Variants in PARD3B observed in about 807,000 individuals in gnomAD.
PARD3B encodes partitioning defective 3 homolog B.
In PARD3B, 103 loss-of-function variants were observed where a neutral mutation model predicts 130.2. The ratio of observed to expected loss-of-function variants is 0.79; its 90% CI spans 0.67 to 0.93. PARD3B has a LOEUF of 0.93. PARD3B is among the 40% of genes least tolerant of loss of function. The pLI, the probability that PARD3B is intolerant of heterozygous loss-of-function variation, is 0.00. For missense variants in PARD3B, 1,609 were observed against 1,499.2 expected, an observed-to-expected ratio of 1.07 and a Z score of -1.21; for synonymous variants, 583 against 553.2, an observed-to-expected ratio of 1.05 and a Z score of -0.76.
In PARD3B at chr2:205,125,842, A is replaced by G; in HGVS notation, c.1434+105A>G. 1 of 1,439,690 alleles carries G rather than the reference A, an allele frequency of 6.9e-7. No individual in the cohort carries two copies. Among genetic ancestry groups the G allele is most frequent in the Non-Finnish European group, 9.4e-7 (1 of 1,064,212 alleles). 89.2% of individuals were successfully genotyped at this position (1,439,690 alleles called of 1,614,324 possible). A position where few individuals can be genotyped will look rare whatever the true frequency, so the allele number is the denominator to read the frequency against. On this transcript the variant is annotated intron_variant, in intron 10 of 22. Transcript: ENST00000406610. This position sits in a 1 kb window ranked among gnomAD's most constrained non-coding sequence, Gnocchi z 4.0. ...GAGTTCTAAATCACAGGCTTCATTCATAACCAAAATTGAATCACACTCAGG... is the reference window on the plus strand; with the variant it reads ...GAGTTCTAAATCACAGGCTTCATTCGTAACCAAAATTGAATCACACTCAGG...
intron 15 of PARD3B, among the ~76,000 whole-genome samples, chr2:205,239,727 T>A (rs2039266384): frequency 6.6e-6 from 1 of 152,178 alleles, no homozygotes; most frequent in Non-Finnish European, 1.5e-5. Context: ...AAGCCCTCCT[T>A]TTTTACCCTA....
At chr2:204,879,036 A>G (rs570017544) in intron 2 of PARD3B, among the ~76,000 whole-genome samples, 1 of 152,278 alleles carries the variant, frequency 6.6e-6, no homozygotes, top group East Asian at 1.9e-4. Context: ...GGAAAGATGT[A>G]TGCTATAAAT....
In PARD3B at chr2:205,217,890, A is replaced by ATTTTT. The variant is rs1278697689; in HGVS notation, c.2140+24571_2140+24572insTTTTT. On this transcript the variant is annotated intron_variant, in intron 15 of 22. Coordinates refer to ENST00000406610, the MANE Select transcript of PARD3B (RefSeq NM_001302769.2). ...TGTGTATATATATATATATATATAT[A>ATTTTT]TATATTTTTTTTTTTATTTTTTTGA... Among the ~76,000 whole-genome samples, 35 of 42,078 alleles carry ATTTTT rather than the reference A, an allele frequency of 8.3e-4. 6 individuals carry two copies. The East Asian group carries it at 0.04, about 48-fold the overall frequency. The allele number at this position is 42,078 out of a possible 152,430, so 27.6% of individuals were successfully genotyped here.
chr2:205,416,563 G>C (rs1189819614), intron 19 of PARD3B, among the ~76,000 whole-genome samples: 1 of 152,126 alleles, frequency 6.6e-6, no homozygotes, highest in African/African-American at 2.4e-5. Context: ...AATCTGCTAA[G>C]CCCTTGGCCT....
At chr2:205,296,501 G>A (rs1202557238) in intron 16 of PARD3B, among the ~76,000 whole-genome samples, 1 of 152,132 alleles carries the variant, frequency 6.6e-6, no homozygotes, top group African/African-American at 2.4e-5. Flanking sequence ...GAAGGCTGGG[G>A]CAGCGGTTTC....
rs368657116 is a variant in PARD3B, at chr2:205,314,760, C to T, written c.2630+13059C>T. Among the ~76,000 whole-genome samples the T allele has an allele frequency of 2.6e-5, 4 of 152,308 alleles. No homozygotes were observed. In the South Asian group the frequency reaches 8.3e-4, roughly 32 times the overall value. On this transcript the variant is annotated intron_variant, in intron 18 of 22. Coordinates refer to ENST00000406610, the MANE Select transcript of PARD3B (RefSeq NM_001302769.2). Reference sequence around the variant, plus strand: ...TTCTCCAGCTAACTGCTGATCATTTCTGCACAGTGGCCCTGCCACAACCTC... The same window carrying T: ...TTCTCCAGCTAACTGCTGATCATTTTTGCACAGTGGCCCTGCCACAACCTC...
At chr2:205,094,703 G>A (rs1002473330) in intron 4 of PARD3B, among the ~76,000 whole-genome samples, 1 of 152,156 alleles carries the variant, frequency 6.6e-6, no homozygotes, top group Non-Finnish European at 1.5e-5. Flanking sequence ...GTTGGCATGC[G>A]TGAAATGCCT....
chr2:205,295,901 TTTGAA>T (rs2041772599), intron 16 of PARD3B, among the ~76,000 whole-genome samples: 1 of 152,178 alleles, frequency 6.6e-6, no homozygotes, highest in Non-Finnish European at 1.5e-5. Flanking sequence ...TAAGGCATTG[TTTGAA>T]AAAACAATTT....
chr2:205,095,378 GAGAA>G (rs1400942052), intron 4 of PARD3B, among the ~76,000 whole-genome samples: 2 of 152,094 alleles, frequency 1.3e-5, no homozygotes, highest in Admixed American at 1.3e-4. Context: ...ATTTGAATAT[GAGAA>G]AGAAACAGTG....
chr2:204,894,497 T>C (rs1205943219), intron 2 of PARD3B, among the ~76,000 whole-genome samples: 2 of 152,052 alleles, frequency 1.3e-5, no homozygotes, highest in Non-Finnish European at 1.5e-5. Context: ...TGCCCCAGCT[T>C]CCTCATTATT....
chr2:204,643,806 A>G (rs1017931726), intron 1 of PARD3B, among the ~76,000 whole-genome samples: 1 of 152,160 alleles, frequency 6.6e-6, no homozygotes, highest in Non-Finnish European at 1.5e-5. Flanking sequence ...TTCTGGACAT[A>G]TTCTCCAGAA....
chr2:205,057,486 T>A (rs1225174356), intron 4 of PARD3B, among the ~76,000 whole-genome samples: 1 of 145,870 alleles, frequency 6.9e-6, no homozygotes, highest in African/African-American at 2.5e-5. Context: ...CATGTGTATG[T>A]GTATATGTAT....
At chr2:205,172,849 C>T (rs570331279) in intron 12 of PARD3B, among the ~76,000 whole-genome samples, 5 of 152,238 alleles carry the variant, frequency 3.3e-5, no homozygotes, top group Admixed American at 3.3e-4. Context: ...GCTGCTTGCT[C>T]ATGTTATTAA....
chr2:204,556,093 A>G (rs2030904737), intron 1 of PARD3B, among the ~76,000 whole-genome samples: 1 of 152,224 alleles, frequency 6.6e-6, no homozygotes, highest in Admixed American at 6.5e-5. Context: ...AGGTCATAGT[A>G]GGGCATCAGT....
At chr2:204,611,087 T>G (rs1396418326) in intron 1 of PARD3B, among the ~76,000 whole-genome samples, 2 of 152,164 alleles carry the variant, frequency 1.3e-5, no homozygotes, top group Non-Finnish European at 2.9e-5. Context: ...GTTCATACTT[T>G]GATGTTTTGT....
At chr2:204,716,605 T>C (rs1037875390) in intron 2 of PARD3B, among the ~76,000 whole-genome samples, 14 of 139,064 alleles carry the variant, frequency 1.0e-4, no homozygotes, top group Non-Finnish European at 1.7e-4. Context: ...TTAAAAGTAA[T>C]GGCAAAAACA....
At chr2:205,069,859 C>T (rs1046740570) in intron 4 of PARD3B, among the ~76,000 whole-genome samples, 5 of 152,054 alleles carry the variant, frequency 3.3e-5, no homozygotes, top group African/African-American at 4.8e-5. Context: ...CAGTAAAGAG[C>T]TAGTATCTAC....
At chr2:204,654,648 A>G (rs2035586548) in intron 1 of PARD3B, among the ~76,000 whole-genome samples, 2 of 152,206 alleles carry the variant, frequency 1.3e-5, no homozygotes, top group Non-Finnish European at 2.9e-5. Flanking sequence ...GTCTCTAAAA[A>G]GTATCTCTGA....
intron 15 of PARD3B, among the ~76,000 whole-genome samples, chr2:205,194,958 T>TG (rs1356215537): frequency 3.0e-4 from 43 of 141,114 alleles, no homozygotes; most frequent in African/African-American, 1.1e-3. Flanking sequence ...TAATTTTTTT[T>TG]TTTTTTTTTT....
Sources: gnomAD v4.1 joint callset for allele counts (sites outside exome capture counted in the v4.1 genomes callset) on GRCh38, gnomAD v4.1.1 for gene constraint, Gnocchi (gnomAD v3.1) non-coding constraint, MANE v1.5 for transcripts, NCBI Gene and HGNC (gene_info 2026-07-23, HGNC 2026-07-21) for gene names.